GOLGA8A: variants seen among roughly 807,000 people sequenced by gnomAD.
GOLGA8A encodes golgin subfamily A member 8A.
GOLGA8A carries 3 observed loss-of-function variants against 22.1 expected under a neutral mutation model. The ratio of observed to expected loss-of-function variants is 0.14; its 90% CI spans 0.06 to 0.35. The LOEUF is 0.35. Ranked by LOEUF, GOLGA8A falls within the 10% of genes least tolerant of loss-of-function variation. The pLI, the probability that GOLGA8A is intolerant of heterozygous loss-of-function variation, is 1.00. For synonymous variants in GOLGA8A, 7 were observed against 91.7 expected, an observed-to-expected ratio of 0.08 and a Z score of 5.28; for missense variants, 16 against 233.2, an observed-to-expected ratio of 0.07 and a Z score of 6.07.
intron 2 of GOLGA8A, among the ~76,000 whole-genome samples, chr15:34,412,380 T>G (rs1387582172): frequency 7.1e-6 from 1 of 141,264 alleles, no homozygotes. Flanking sequence ...CTTCTGGGTC[T>G]GCCCCATGGG....
Position 34,421,876 on chromosome 15 carries a change from G to A in GOLGA8A, c.-1123+13507C>T, listed in dbSNP as rs570336934. 2.3e-4 allele frequency among the ~76,000 whole-genome samples: 32 copies of A among 138,170 alleles called. No homozygotes were observed. The South Asian group carries it at 8.8e-3, about 38-fold the overall frequency. The allele number at this position is 138,170 out of a possible 152,430, so 90.6% of individuals were successfully genotyped here. A position where few individuals can be genotyped will look rare whatever the true frequency, so the allele number is the denominator to read the frequency against. Reference sequence around the variant, plus strand: ...GGGCTGGGGACCCTCAGGAAAGTCAGGTGTCCCTGAGAAACACCCGGCAAC... The same window carrying A: ...GGGCTGGGGACCCTCAGGAAAGTCAAGTGTCCCTGAGAAACACCCGGCAAC... On this transcript the variant is annotated intron_variant, in intron 2 of 24. Coordinates refer to ENST00000359187, the MANE Select transcript of GOLGA8A (RefSeq NM_181077.5).
chr15:34,433,929 G>C lies in GOLGA8A; in HGVS notation c.-1123+1454C>G, dbSNP rs1158518127. On this transcript the variant is annotated intron_variant, in intron 2 of 24. Coordinates refer to ENST00000359187, the MANE Select transcript of GOLGA8A (RefSeq NM_181077.5). ...AGGGCTGTCAGGGAGCCGGCAATAA[G>C]TGAGGGGCCGGCCAGGTGGGCATCT... 1.3e-5 allele frequency among the ~76,000 whole-genome samples: 2 copies of C among 149,570 alleles called. 1 individual carries two copies. Among genetic ancestry groups the C allele is most frequent in the African/African-American group, 4.9e-5 (2 of 40,528 alleles).
intron 2 of GOLGA8A, among the ~76,000 whole-genome samples, chr15:34,434,395 C>T (rs979072609): frequency 5.4e-5 from 8 of 149,528 alleles, no homozygotes; most frequent in South Asian, 2.1e-4. Context: ...CCCACCAGTA[C>T]GCAGGGTTCC....
At chr15:34,436,213 G>A (rs949821494) in intron 1 of GOLGA8A, among the ~76,000 whole-genome samples, 3 of 149,390 alleles carry the variant, frequency 2.0e-5, no homozygotes, top group African/African-American at 4.9e-5. Flanking sequence ...TGCACCTTAG[G>A]AAAACTTGTC....
chr15:34,425,601 A>G lies in GOLGA8A; in HGVS notation c.-1123+9782T>C, dbSNP rs1892953605. ...CAAGCTTGATAGTTTTAACAATGTA[A>G]AATTTCCAAATTTTTACATTGCCAG... On this transcript the variant is annotated intron_variant, in intron 2 of 24. Transcript: ENST00000359187. Among the ~76,000 whole-genome samples the G allele has an allele frequency of 1.4e-5, 2 of 144,646 alleles. 1 individual carries two copies. The allele number at this position is 144,646 out of a possible 152,430, so 94.9% of individuals were successfully genotyped here.
chr15:34,419,007 C>T (rs1892688749), intron 2 of GOLGA8A: 1 of 141,052 alleles, frequency 7.1e-6, no homozygotes, highest in Non-Finnish European at 1.5e-5. Flanking sequence ...CAGGTTCAAG[C>T]AATTCTGTGG....
At chr15:34,432,523 T>G (rs1893305304) in intron 2 of GOLGA8A, among the ~76,000 whole-genome samples, 1 of 148,836 alleles carries the variant, frequency 6.7e-6, no homozygotes, top group East Asian at 2.0e-4. Flanking sequence ...AGACCTGCCT[T>G]CTAGATTTGT....
chr15:34,437,243 T>C (rs1480173267), intron 1 of GOLGA8A, among the ~76,000 whole-genome samples, 155 bp downstream of exon 1: 1 of 144,368 alleles, frequency 6.9e-6, no homozygotes, highest in Non-Finnish European at 1.5e-5. Context: ...AGCGGCGGCC[T>C]CCCCGCAGCC....
intron 8 of GOLGA8A, among the ~76,000 whole-genome samples, chr15:34,393,152 A>T (rs1891824673): frequency 6.9e-6 from 1 of 145,932 alleles, no homozygotes; most frequent in Non-Finnish European, 1.5e-5. Context: ...GCATTTCAGG[A>T]AGTCTAGAGC....
chr15:34,434,638 G>C (rs1242591619), intron 2 of GOLGA8A, among the ~76,000 whole-genome samples: 1 of 149,082 alleles, frequency 6.7e-6, no homozygotes, highest in African/African-American at 2.5e-5. Flanking sequence ...AGGAGCCAGA[G>C]AAGTCTCCCT....
intron 2 of GOLGA8A, among the ~76,000 whole-genome samples, chr15:34,431,314 T>TATATATATATATATAC (rs1472652842): frequency 1.0e-3 from 10 of 9,618 alleles, no homozygotes; most frequent in African/African-American, 3.7e-3. Context: ...TATATATACA[T>TATATATATATATATAC]ATATATATAT....
chr15:34,419,899 C>A (rs1892726226), intron 2 of GOLGA8A: 1 of 135,512 alleles, frequency 7.4e-6, no homozygotes, highest in Non-Finnish European at 1.6e-5. Flanking sequence ...CATGTGGCAC[C>A]TGGAGTCGTC....
rs1893251722 is a variant in GOLGA8A, at chr15:34,431,469, T to G, written c.-1123+3914A>C. ...CTGAGAAATTTATCATTAGGCAATT[T>G]CATCATTGTGAGAACATCATAGAAC... On this transcript the variant is annotated intron_variant, in intron 2 of 24. Transcript: ENST00000359187. Among the ~76,000 whole-genome samples the G allele has an allele frequency of 2.0e-5, 3 of 147,558 alleles. 1 individual carries two copies. Among genetic ancestry groups the G allele is most frequent in the Non-Finnish European group, 4.5e-5 (3 of 66,822 alleles).
Position 34,433,928 on chromosome 15 carries a change from A to G in GOLGA8A, c.-1123+1455T>C, listed in dbSNP as rs2879470. ...TAGGGCTGTCAGGGAGCCGGCAATA[A>G]GTGAGGGGCCGGCCAGGTGGGCATC... is the stretch of plus-strand genomic sequence containing the variant. On this transcript the variant is annotated intron_variant, in intron 2 of 24. Coordinates refer to ENST00000359187, the MANE Select transcript of GOLGA8A (RefSeq NM_181077.5). Among the ~76,000 whole-genome samples, 5 of 149,610 alleles carry G rather than the reference A, an allele frequency of 3.3e-5. No homozygotes were observed. In the East Asian group the frequency reaches 9.8e-4, roughly 29 times the overall value.
At position 34,420,066 on chromosome 15, in the gene GOLGA8A, CA is replaced by C. The variant is rs1277308682; in HGVS notation, c.-1122-12332del. The stretch of plus-strand genomic sequence containing the variant: ...AACACTGTGAGTGTATTTAATGCCA[CA>C]GAATCATACACGTAGAAGTATTTCA... On this transcript the variant is annotated intron_variant, in intron 2 of 24. Transcript: ENST00000359187. 1.3e-5 allele frequency: 2 copies of C among 149,360 alleles called. 1 individual carries two copies. The highest frequency in any genetic ancestry group is 5.0e-5 in the African/African-American group (2 of 40,088). 9.3% of individuals were successfully genotyped at this position (149,360 alleles called of 1,614,324 possible). A position where few individuals can be genotyped will look rare whatever the true frequency, so the allele number is the denominator to read the frequency against.
Position 34,433,513 on chromosome 15 carries a change from G to A in GOLGA8A, c.-1123+1870C>T, listed in dbSNP as rs141681731. ...CTCCTCTGGCCTATGTGAAACCGAC[G>A]TTGCACTGTACAACTCTGAAGCTCT... On this transcript the variant is annotated intron_variant, in intron 2 of 24. Transcript: ENST00000359187. Among the ~76,000 whole-genome samples, 7 of 149,458 alleles carry A rather than the reference G, an allele frequency of 4.7e-5. 1 individual carries two copies. The highest frequency in any genetic ancestry group is 2.0e-4 in the East Asian group (1 of 5,102).
chr15:34,435,794 G>C (rs74893402), intron 1 of GOLGA8A, among the ~76,000 whole-genome samples: 11,936 of 148,884 alleles, frequency 0.08, 1,395 homozygotes, highest in East Asian at 0.16. Flanking sequence ...CCAGCCCAGA[G>C]AGGGAGCCCA....
At chr15:34,424,429 T>C (rs1197529320) in intron 2 of GOLGA8A, among the ~76,000 whole-genome samples, 1 of 140,620 alleles carries the variant, frequency 7.1e-6, no homozygotes, top group African/African-American at 2.6e-5. Context: ...GATTCTCCAA[T>C]AAAAAAATAC....
chr15:34,436,890 A>T (rs1305697405), intron 1 of GOLGA8A, among the ~76,000 whole-genome samples: 1 of 149,630 alleles, frequency 6.7e-6, no homozygotes, highest in Admixed American at 6.7e-5. Flanking sequence ...CTTATTATAC[A>T]GGGAAAGGGA....
Sources: allele counts gnomAD v4.1 joint callset (sites outside exome capture counted in the v4.1 genomes callset), GRCh38; gene constraint gnomAD v4.1.1; transcripts MANE v1.5; gene names NCBI Gene and HGNC (gene_info 2026-07-23, HGNC 2026-07-21).